The following NUP58 variants were observed in gnomAD, a reference collection of about 807,000 sequenced individuals.
NUP58 encodes the protein nucleoporin p58/p45.
NUP58 carries 17 observed loss-of-function variants against 70.1 expected under a neutral mutation model. The ratio of observed to expected loss-of-function variants is 0.24; its 90% CI spans 0.17 to 0.36. NUP58 has a LOEUF of 0.36. NUP58 is among the 10% of genes least tolerant of loss of function. The pLI, the probability that NUP58 is intolerant of heterozygous loss-of-function variation, is 1.00. For missense variants in NUP58, 644 were observed against 701.5 expected, an observed-to-expected ratio of 0.92 and a Z score of 0.93; for synonymous variants, 275 against 257.6, an observed-to-expected ratio of 1.07 and a Z score of -0.65.
Position 25,337,028 on chromosome 13 carries a change from C to A in NUP58, c.1528C>A (p.Leu510Ile). 1.9e-6 allele frequency: 3 copies of A among 1,593,574 alleles called. No individual in the cohort carries two copies. The highest frequency in any genetic ancestry group is 2.6e-6 in the Non-Finnish European group (3 of 1,170,042). ...ATCAAGTGGCTTAGGTTCTTCAAACCTTGGAGGTACACTTTAACTTTTCTA... is the reference window on the plus strand; with the variant it reads ...ATCAAGTGGCTTAGGTTCTTCAAACATTGGAGGTACACTTTAACTTTTCTA... ...LQSSGLGSSN[L>I]GGFGTSSGFG... The change falls in exon 14 of 16, where the codon CTT (leucine) becomes ATT (isoleucine). Residue 510 changes from leucine to isoleucine, a missense_variant. Around this residue, in one of 4 missense-constraint regions of NUP58, gnomAD observed 132 missense variants for 203.9 expected, o/e 0.65. Transcript: ENST00000381736.
intron 14 of NUP58, among the ~76,000 whole-genome samples, 154 bp downstream of exon 14, chr13:25,337,188 A>G (rs186379214): frequency 6.6e-6 from 1 of 152,296 alleles, no homozygotes; most frequent in East Asian, 1.9e-4. Context: ...ATTGCTTTCT[A>G]ATATTAGATT....
intron 3 of NUP58, chr13:25,309,979 T>G (rs1224922812): frequency 2.5e-6 from 1 of 395,038 alleles, no homozygotes; most frequent in Non-Finnish European, 5.1e-6. Context: ...CATCTGTTTA[T>G]CAGCAAAGTT....
Position 25,301,820 on chromosome 13 carries a change from C to T in NUP58, c.47C>T (p.Thr16Ile), listed in dbSNP as rs764554700. 6.1e-5 allele frequency: 98 copies of T among 1,613,600 alleles called. No individual in the cohort carries two copies. In the Middle Eastern group the frequency reaches 9.9e-4, roughly 16 times the overall value. The stretch of plus-strand genomic sequence containing the variant: ...GGGTCCGGGACTCTGGGCTCCACCA[C>T]CGTGGCCGCCGGCGGGACCAGCACA... ...SFGSGTLGST[T>I]VAAGGTSTGG... The change falls in exon 1 of 16, where the codon ACC becomes ATC. Residue 16 changes from threonine (T) to isoleucine (I), a missense_variant. By Grantham distance (89) the Thr-to-Ile change is moderately conservative. This residue lies in a region of NUP58 where 430 missense variants were observed against 409.2 expected (regional missense o/e 1.05). Transcript: ENST00000381736.
At chr13:25,336,855 T>G (rs1593201095) in intron 13 of NUP58, 81 bp from the exon 14 acceptor site, 1 of 868,984 alleles carries the variant, frequency 1.2e-6, no homozygotes, top group Non-Finnish European at 1.7e-6. Flanking sequence ...TAAAAATAAT[T>G]TCATAAAGAA....
At chr13:25,336,232 A>G (rs1566071674) in intron 13 of NUP58, 1 of 1,367,282 alleles carries the variant, frequency 7.3e-7, no homozygotes, top group Non-Finnish European at 9.8e-7. Flanking sequence ...GGTGTAATGT[A>G]GCAGAGCTTA....
At chr13:25,308,312 T>G (rs910583225) in intron 2 of NUP58, among the ~76,000 whole-genome samples, 2 of 152,198 alleles carry the variant, frequency 1.3e-5, no homozygotes, top group East Asian at 3.9e-4. Flanking sequence ...TTTTTTTTCT[T>G]TTTTTAGATA....
Position 25,331,804 on chromosome 13 carries a change from A to T in NUP58, c.1435+246A>T, listed in dbSNP as rs61478566. ...AATCTACTTAATGTTATTTGCTGTA[A>T]TGCTATAAATGCCCTTTAGAACATG... On this transcript the variant is annotated intron_variant, in intron 13 of 15. Coordinates refer to ENST00000381736, the MANE Select transcript of NUP58 (RefSeq NM_014089.4). 7,553 of 1,315,156 alleles carry T rather than the reference A, an allele frequency of 5.7e-3. 330 individuals are homozygous for T. The African/African-American group carries it at 0.096, about 17-fold the overall frequency. 81.5% of individuals were successfully genotyped at this position (1,315,156 alleles called of 1,614,324 possible).
intron 7 of NUP58, among the ~76,000 whole-genome samples, chr13:25,319,753 A>C (rs577342640): frequency 6.6e-6 from 1 of 152,240 alleles, no homozygotes; most frequent in Admixed American, 6.5e-5. Context: ...AATAGCCTCC[A>C]TATACATCAT....
intron 13 of NUP58, chr13:25,334,038 T>G: frequency 4.1e-6 from 4 of 985,244 alleles, no homozygotes; most frequent in Non-Finnish European, 3.6e-6. Context: ...TTGTCCTCCT[T>G]CAATTTTTTT....
chr13:25,327,390 T>C, intron 11 of NUP58, 40 bp from the exon 12 acceptor site: 1 of 1,273,598 alleles, frequency 7.9e-7, no homozygotes, highest in Middle Eastern at 2.2e-4. Flanking sequence ...GTGCTATATA[T>C]ATGTATATAT....
chr13:25,325,861 C>T (rs1179252093), intron 10 of NUP58, among the ~76,000 whole-genome samples: 1 of 152,136 alleles, frequency 6.6e-6, no homozygotes, highest in Non-Finnish European at 1.5e-5. Context: ...CGCCTGGCCC[C>T]TTACTTATTT....
downstream of NUP58, among the ~76,000 whole-genome samples, chr13:25,345,392 C>T (rs76803201): frequency 1.3e-5 from 1 of 78,510 alleles, no homozygotes; most frequent in African/African-American, 4.1e-5. Context: ...TGTGATAGAT[C>T]AGGGCAAAGT....
chr13:25,349,443 T>C (rs1406630523), intron 3 of NUP58: 1 of 152,454 alleles, frequency 6.6e-6, no homozygotes, highest in Non-Finnish European at 1.5e-5. Context: ...ATAGGTTGAC[T>C]GTGAAGATTA....
chr13:25,312,796 G>A, intron 3 of NUP58, 87 bp from the exon 4 acceptor site: 1 of 1,318,100 alleles, frequency 7.6e-7, no homozygotes, highest in Non-Finnish European at 1.0e-6. Flanking sequence ...AACTTTTAAG[G>A]ATCCTTATTG....
chr13:25,324,384 T>G (rs2031308999), intron 9 of NUP58, among the ~76,000 whole-genome samples: 1 of 152,172 alleles, frequency 6.6e-6, no homozygotes, highest in South Asian at 2.1e-4. Context: ...AAACATTGGC[T>G]GGAATTGTAG....
At chr13:25,303,784 G>T (rs1448798548) in intron 1 of NUP58, among the ~76,000 whole-genome samples, 1 of 152,236 alleles carries the variant, frequency 6.6e-6, no homozygotes, top group Non-Finnish European at 1.5e-5. Context: ...TGAGGGCAAG[G>T]TCTGAGTCTT....
intron 1 of NUP58, among the ~76,000 whole-genome samples, chr13:25,305,969 T>G (rs1176832971): frequency 2.0e-5 from 3 of 152,158 alleles, no homozygotes; most frequent in African/African-American, 7.2e-5. Context: ...CTAGGGGACA[T>G]CTTTCTGCTC....
chr13:25,308,456 C>T (rs1055459986), intron 2 of NUP58, among the ~76,000 whole-genome samples: 1 of 148,402 alleles, frequency 6.7e-6, no homozygotes, highest in Non-Finnish European at 1.5e-5. Context: ...GTGTGCACCA[C>T]CACGCCTGGC....
Position 25,327,461 on chromosome 13 carries a change from A to G in NUP58, c.1182A>G (p.Gln394=), listed in dbSNP as rs148073749. 45 of 1,611,116 alleles carry G rather than the reference A, an allele frequency of 2.8e-5. No homozygotes were observed. In the African/African-American group the frequency reaches 3.9e-4, roughly 14 times the overall value. The part of the protein sequence containing the change: ...DLSMAMQKIY[Q]TFVALAAQLQ... ...CAATGGCTATGCAGAAAATTTATCA[A>G]ACATTTGTAGCTTTAGCGGCACAAC... The change falls in exon 12 of 16, where the codon CAA becomes CAG. Residue 394 remains glutamine (Q), a synonymous_variant. Coordinates refer to ENST00000381736, the MANE Select transcript of NUP58 (RefSeq NM_014089.4).
Sources: gnomAD v4.1 joint callset for allele counts (sites outside exome capture counted in the v4.1 genomes callset) on GRCh38, gnomAD v4.1.1 for gene constraint, gnomAD v4.1.1 regional missense constraint, MANE v1.5 for transcripts, NCBI Gene and HGNC (gene_info 2026-07-23, HGNC 2026-07-21) for gene names.